Variants in SGCZ observed in about 807,000 individuals in gnomAD.
The protein encoded by SGCZ is sarcoglycan zeta.
Under a neutral mutation model 41.3 loss-of-function variants are expected in SGCZ, and 40 were observed. The observed-to-expected ratio is 0.97, with a 90% confidence interval of 0.75 to 1.26. SGCZ has a LOEUF of 1.26. Among genes scored for constraint, SGCZ ranks in the 50% most tolerant of loss-of-function variants. The probability of loss-of-function intolerance (pLI) is 0.00; values close to 1 mark genes in which losing one functional copy is unlikely to be tolerated. For missense variants in SGCZ, 552 were observed against 369.8 expected (o/e 1.49, Z -4.04); for synonymous variants, 206 against 137.5 (o/e 1.50, Z -3.49).
intron 2 of SGCZ, among the ~76,000 whole-genome samples, chr8:14,421,703 T>C (rs1474618811): frequency 6.6e-6 from 1 of 152,166 alleles, no homozygotes; most frequent in African/African-American, 2.4e-5. Flanking sequence ...CTATCTTGTG[T>C]AATTATCTGG....
At chr8:14,219,123 C>A (rs1019589462) in intron 4 of SGCZ, among the ~76,000 whole-genome samples, 1 of 152,150 alleles carries the variant, frequency 6.6e-6, no homozygotes, top group Non-Finnish European at 1.5e-5. Context: ...AGCCATTTCT[C>A]AATTGGATTG....
intron 1 of SGCZ, among the ~76,000 whole-genome samples, chr8:14,718,151 T>C (rs960966345): frequency 1.3e-5 from 2 of 151,658 alleles, no homozygotes; most frequent in Non-Finnish European, 1.5e-5. Flanking sequence ...GAAATACACA[T>C]ATGCATGCAC....
At chr8:14,175,901 A>G (rs1025298301) in intron 4 of SGCZ, among the ~76,000 whole-genome samples, 1 of 152,144 alleles carries the variant, frequency 6.6e-6, no homozygotes, top group African/African-American at 2.4e-5. Context: ...TATTATGCAA[A>G]TACCAAATGA....
intron 1 of SGCZ, among the ~76,000 whole-genome samples, chr8:14,868,748 C>A (rs970015393): frequency 2.0e-5 from 3 of 151,950 alleles, no homozygotes; most frequent in Admixed American, 1.3e-4. Flanking sequence ...AAAATTCTTC[C>A]GTGTTTCTAC....
intron 5 of SGCZ, among the ~76,000 whole-genome samples, chr8:14,138,775 A>C (rs979119551): frequency 2.0e-5 from 3 of 152,216 alleles, no homozygotes; most frequent in African/African-American, 7.2e-5. Context: ...AACATTAGAC[A>C]GATCAATGAG....
chr8:14,955,170 T>A (rs1328601760), intron 1 of SGCZ, among the ~76,000 whole-genome samples: 2 of 152,138 alleles, frequency 1.3e-5, no homozygotes, highest in Admixed American at 6.5e-5. Context: ...CGTAATTTAG[T>A]GAAGTTAAAA....
chr8:14,263,309 G>A (rs1799739909), intron 3 of SGCZ, among the ~76,000 whole-genome samples: 1 of 152,122 alleles, frequency 6.6e-6, no homozygotes, highest in Non-Finnish European at 1.5e-5. Flanking sequence ...AGCACTTTGG[G>A]AGGCTGATTC....
At chr8:14,189,160 CTCT>C (rs1805010658) in intron 4 of SGCZ, among the ~76,000 whole-genome samples, 1 of 151,884 alleles carries the variant, frequency 6.6e-6, no homozygotes, top group Non-Finnish European at 1.5e-5. Context: ...CACCTGGCCC[CTCT>C]TGTGTCTTCT....
At chr8:14,944,267 C>T (rs1800371008) in intron 1 of SGCZ, among the ~76,000 whole-genome samples, 1 of 152,118 alleles carries the variant, frequency 6.6e-6, no homozygotes, top group Admixed American at 6.6e-5. Flanking sequence ...TTTTAAAACC[C>T]AGTTGTCAAC....
intron 1 of SGCZ, among the ~76,000 whole-genome samples, chr8:14,948,917 A>G (rs1486514428): frequency 6.6e-6 from 1 of 151,876 alleles, no homozygotes; most frequent in Non-Finnish European, 1.5e-5. Context: ...CTTGAAAGCC[A>G]GGATTTCTCC....
chr8:14,875,402 G>A (rs1000439366), intron 1 of SGCZ, among the ~76,000 whole-genome samples: 1 of 152,120 alleles, frequency 6.6e-6, no homozygotes, highest in African/African-American at 2.4e-5. Flanking sequence ...GAATTTTGGA[G>A]GGGACATACA....
chr8:15,159,229 C>T (rs560398653), intron 1 of SGCZ, among the ~76,000 whole-genome samples: 8 of 152,200 alleles, frequency 5.3e-5, no homozygotes, highest in South Asian at 2.1e-4. Context: ...TGTAGGTTCC[C>T]GAAGGGTGGT....
At chr8:14,608,687 G>C (rs374132813) in intron 1 of SGCZ, among the ~76,000 whole-genome samples, 104 of 150,420 alleles carry the variant, frequency 6.9e-4, no homozygotes, top group African/African-American at 2.4e-3. Flanking sequence ...CATGGGGGTG[G>C]ATTCCTCATA....
At chr8:14,330,895 C>A (rs1335865814) in intron 2 of SGCZ, among the ~76,000 whole-genome samples, 2 of 151,922 alleles carry the variant, frequency 1.3e-5, no homozygotes, top group African/African-American at 2.4e-5. Context: ...GCTTTTCAAA[C>A]AAAATTGAAG....
intron 2 of SGCZ, among the ~76,000 whole-genome samples, chr8:14,366,918 T>C (rs1446620326): frequency 1.3e-5 from 2 of 152,144 alleles, no homozygotes; most frequent in South Asian, 2.1e-4. Context: ...CCTGGAGACA[T>C]TTTCCCCAAC....
chr8:14,993,593 G>C (rs1802101516), intron 1 of SGCZ, among the ~76,000 whole-genome samples: 1 of 152,186 alleles, frequency 6.6e-6, no homozygotes, highest in African/African-American at 2.4e-5. Context: ...AGAATGGTCA[G>C]AAAAGTGCTC....
chr8:14,570,418 C>CA (rs1442196490), intron 1 of SGCZ, among the ~76,000 whole-genome samples: 1 of 152,114 alleles, frequency 6.6e-6, no homozygotes, highest in Admixed American at 6.5e-5. Flanking sequence ...ATTTATGTCA[C>CA]ACTAAGTATA....
chr8:15,203,789 T>C (rs563495818), intron 1 of SGCZ, among the ~76,000 whole-genome samples: 4 of 152,262 alleles, frequency 2.6e-5, no homozygotes, highest in South Asian at 2.1e-4. Context: ...TCAAAGGAAA[T>C]ATCCAAGAAA....
intron 4 of SGCZ, among the ~76,000 whole-genome samples, chr8:14,206,739 C>A (rs2117084231): frequency 6.6e-6 from 1 of 152,252 alleles, no homozygotes; most frequent in African/African-American, 2.4e-5. Flanking sequence ...GTATTACCCC[C>A]TAAATTACCT....
Sources: gnomAD v4.1 joint callset for allele counts (sites outside exome capture counted in the v4.1 genomes callset) on GRCh38, gnomAD v4.1.1 for gene constraint, MANE v1.5 for transcripts, NCBI Gene and HGNC (gene_info 2026-07-23, HGNC 2026-07-21) for gene names.